Variants in LAMB1 observed in about 807,000 individuals in gnomAD.
LAMB1 encodes laminin subunit beta-1.
In LAMB1, 121 loss-of-function variants were observed where a neutral mutation model predicts 222.3. That is an observed-to-expected ratio of 0.54 (90% CI 0.47 to 0.63). The LOEUF (loss-of-function observed/expected upper bound fraction) is 0.63, where lower values mean the gene tolerates loss of function less well. Among genes scored for constraint, LAMB1 ranks in the 30% least tolerant of loss-of-function variants. LAMB1 has a pLI of 0.00. For missense variants in LAMB1, 2,172 were observed against 2,240.8 expected (o/e 0.97, Z 0.62); for synonymous variants, 794 against 807.2 (o/e 0.98, Z 0.28).
At chr7:107,948,427 G>A (rs1294603410) in intron 24 of LAMB1, among the ~76,000 whole-genome samples, 1 of 152,168 alleles carries the variant, frequency 6.6e-6, no homozygotes. Context: ...AGATGACAAT[G>A]TAGTGGGAAA....
At chr7:107,933,603 G>GAAAA (rs1329355249) in intron 27 of LAMB1, among the ~76,000 whole-genome samples, 3 of 143,912 alleles carry the variant, frequency 2.1e-5, no homozygotes, top group African/African-American at 7.6e-5. Context: ...GGCAGACATG[G>GAAAA]AAAAAAAAAA....
chr7:107,962,848 A>G lies in LAMB1; in HGVS notation c.1857+57T>C, dbSNP rs115972989. ...ATATATAATACCCATTAGAAGTACT[A>G]TTTTTCTACTGATTCTCCCCTCCCT... is the stretch of plus-strand genomic sequence containing the variant. On this transcript the variant is annotated intron_variant, in intron 15 of 33. Transcript: ENST00000222399. 2.7e-3 allele frequency: 3,979 copies of G among 1,461,846 alleles called. 87 individuals carry two copies. In the African/African-American group the frequency reaches 0.051, roughly 19 times the overall value. The allele number at this position is 1,461,846 out of a possible 1,614,324, so 90.6% of individuals were successfully genotyped here. A position where few individuals can be genotyped will look rare whatever the true frequency, so the allele number is the denominator to read the frequency against.
At chr7:107,934,902 TAAAAAA>T (rs60067306) in intron 27 of LAMB1, among the ~76,000 whole-genome samples, 2 of 76,846 alleles carry the variant, frequency 2.6e-5, no homozygotes, top group Non-Finnish European at 4.8e-5. Context: ...TCCATCTCTT[TAAAAAA>T]AAAAAAAAAA....
At chr7:107,935,343 C>CTTT in intron 27 of LAMB1, 72 bp downstream of exon 27, 1 of 1,371,576 alleles carries the variant, frequency 7.3e-7, no homozygotes, top group Non-Finnish European at 9.5e-7. Flanking sequence ...GTTTGTTTTT[C>CTTT]TTTGTTTTTT....
At chr7:107,959,889 C>G (rs1713487971) in intron 18 of LAMB1, 55 bp from the exon 19 acceptor site, 1 of 1,568,896 alleles carries the variant, frequency 6.4e-7, no homozygotes, top group Admixed American at 1.8e-5. Flanking sequence ...TCATCGGGCT[C>G]TCCCTGATCC....
At chr7:107,982,961 T>G (rs2034003370) in intron 7 of LAMB1, among the ~76,000 whole-genome samples, 1 of 152,132 alleles carries the variant, frequency 6.6e-6, no homozygotes, top group South Asian at 2.1e-4. Context: ...TCCCACAAAT[T>G]TCACCTTAAA....
At chr7:107,926,677 AGGACACCT>A (rs1285288836) in intron 31 of LAMB1, among the ~76,000 whole-genome samples, 8 of 152,326 alleles carry the variant, frequency 5.3e-5, no homozygotes, top group Admixed American at 2.6e-4. Flanking sequence ...AAGCATTTTA[AGGACACCT>A]GCAAACTTTG....
rs1584482385 is a variant in LAMB1 at position 107,929,268 on chromosome 7, CT to C, written c.4746-64del. ...ACATGAAAAAAGTACTCTCAGTGTTCTTTTCTTTAAAGAATAGCCTTCCTGA... is the reference window on the plus strand; with the variant it reads ...ACATGAAAAAAGTACTCTCAGTGTTCTTTCTTTAAAGAATAGCCTTCCTGA... On this transcript the variant is annotated intron_variant, in intron 30 of 33. Transcript: ENST00000222399. 3.8e-6 allele frequency: 6 copies of C among 1,586,578 alleles called. No individual in the cohort carries two copies. The East Asian group carries it at 1.3e-4, about 35-fold the overall frequency.
chr7:107,950,740 C>T (rs775629061), intron 24 of LAMB1, among the ~76,000 whole-genome samples: 1 of 152,150 alleles, frequency 6.6e-6, no homozygotes, highest in Non-Finnish European at 1.5e-5. Context: ...TCAACAGAGT[C>T]TAGTTGATCC....
chr7:107,937,033 A>C, intron 26 of LAMB1, 60 bp downstream of exon 26: 2 of 1,376,978 alleles, frequency 1.5e-6, no homozygotes, highest in South Asian at 1.4e-5. Context: ...TGCTATATTA[A>C]AACGTTAGAC....
intron 32 of LAMB1, among the ~76,000 whole-genome samples, chr7:107,925,170 G>A (rs1486550444): frequency 3.3e-5 from 5 of 152,104 alleles, no homozygotes; most frequent in South Asian, 4.1e-4. Context: ...TTACTCTTAC[G>A]TAATGCCCGA....
chr7:107,991,083 T>G (rs772170680), intron 5 of LAMB1, among the ~76,000 whole-genome samples: 13 of 152,126 alleles, frequency 8.5e-5, no homozygotes, highest in African/African-American at 1.2e-4. Flanking sequence ...TGGTATTAAT[T>G]TTTTTTAAAA....
chr7:107,967,458 G>A (rs2033658236), intron 13 of LAMB1, among the ~76,000 whole-genome samples: 1 of 152,124 alleles, frequency 6.6e-6, no homozygotes, highest in Non-Finnish European at 1.5e-5. Context: ...ATTGTTTCAC[G>A]AAAACCCACA....
At chr7:107,942,457 G>T (rs904788917) in intron 24 of LAMB1, 4 of 152,066 alleles carry the variant, frequency 2.6e-5, no homozygotes, top group African/African-American at 4.8e-5. Flanking sequence ...TCTTTTTATT[G>T]TCTTTGTTCT....
At chr7:107,993,899 G>T (rs184747898) in intron 5 of LAMB1, among the ~76,000 whole-genome samples, 24 of 152,150 alleles carry the variant, frequency 1.6e-4, no homozygotes, top group African/African-American at 5.1e-4. Flanking sequence ...AGTGGGCAAG[G>T]GGATAAAGGC....
chr7:107,983,941 T>G (rs547756114), intron 7 of LAMB1, among the ~76,000 whole-genome samples: 20 of 152,356 alleles, frequency 1.3e-4, no homozygotes, highest in Non-Finnish European at 2.6e-4. Context: ...ATTCAAGATC[T>G]GACTGCCATT....
In LAMB1 at chr7:107,975,709, C is replaced by T. The variant is rs1412646049; in HGVS notation, c.1169G>A (p.Arg390Gln). Reference sequence around the variant, plus strand: ...CATACGTTCACAGAAATTAGGATCTCGGATGTCCCTCTCTGGGTGCTGGTA... The same window carrying T: ...CATACGTTCACAGAAATTAGGATCTTGGATGTCCCTCTCTGGGTGCTGGTA... ...FYYQHPERDI[R>Q]DPNFCERCTC... Residue 390 changes from arginine (R) to glutamine (Q), a missense_variant, in exon 10 of 34, where the codon CGA (arginine) becomes CAA (glutamine). Transcript: ENST00000222399. The T allele has an allele frequency of 3.7e-6, 6 of 1,612,206 alleles. No homozygotes were observed. Among genetic ancestry groups the T allele is most frequent in the East Asian group, 2.2e-5 (1 of 44,832 alleles).
rs536054166 is a variant in LAMB1 at position 107,936,921 on chromosome 7, T to C, written c.3946+172A>G. 1.5e-4 allele frequency among the ~76,000 whole-genome samples: 23 copies of C among 152,208 alleles called. 1 individual carries two copies. In the South Asian group the frequency reaches 4.6e-3, roughly 30 times the overall value. ...GTCTCTTAGGTTCTCTGTGCCCAAG[T>C]CCCACATTTGTAAAATGGGGACTTT... is the stretch of plus-strand genomic sequence containing the variant. On this transcript the variant is annotated intron_variant, in intron 26 of 33. Transcript: ENST00000222399.
At chr7:107,952,799 T>C (rs1258382338) in intron 22 of LAMB1, among the ~76,000 whole-genome samples, 1 of 152,186 alleles carries the variant, frequency 6.6e-6, no homozygotes, top group Non-Finnish European at 1.5e-5. Flanking sequence ...AGAGAGATGT[T>C]AGAGATGCTA....
Sources: allele counts gnomAD v4.1 joint callset (sites outside exome capture counted in the v4.1 genomes callset), GRCh38; gene constraint gnomAD v4.1.1; transcripts MANE v1.5; gene names NCBI Gene and HGNC (gene_info 2026-07-23, HGNC 2026-07-21).